EEF1AKMT2: variants seen among roughly 807,000 people sequenced by gnomAD.
The protein encoded by EEF1AKMT2 is EEF1A lysine methyltransferase 2, also known as eukaryotic translation elongation factor 1 alpha lysine methyltransferase 2.
Under a neutral mutation model 35.8 loss-of-function variants are expected in EEF1AKMT2, and 32 were observed. That is an observed-to-expected ratio of 0.89 (90% CI 0.67 to 1.20). The LOEUF (loss-of-function observed/expected upper bound fraction) is 1.20. Among genes scored for constraint, EEF1AKMT2 ranks in the 50% most tolerant of loss-of-function variants. The pLI, the probability that EEF1AKMT2 is intolerant of heterozygous loss-of-function variation, is 0.00. For missense variants in EEF1AKMT2, 330 were observed against 347.5 expected (o/e 0.95, Z 0.40); for synonymous variants, 121 against 133.7 (o/e 0.91, Z 0.65).
At position 124,758,555 on chromosome 10, in the gene EEF1AKMT2, G is replaced by C. The variant is rs1465192008; in HGVS notation, c.*1948C>G. 2 of 149,150 alleles carry C rather than the reference G, an allele frequency of 1.3e-5. No homozygotes were observed. The highest frequency in any genetic ancestry group is 3.0e-5 in the Non-Finnish European group (2 of 67,550). 9.2% of individuals were successfully genotyped at this position (149,150 alleles called of 1,614,324 possible). On this transcript the variant is annotated 3_prime_UTR_variant, in exon 7 of 7. Transcript: ENST00000368836. ...TCACCTTTGCAAATGGCACTAACAT[G>C]CCCCAAATAGTGACTCGAAAAGCTT...
intron 4 of EEF1AKMT2, among the ~76,000 whole-genome samples, chr10:124,773,599 G>C (rs940811827): frequency 1.3e-5 from 2 of 152,138 alleles, no homozygotes; most frequent in Admixed American, 6.6e-5. Flanking sequence ...GAGGCTTGAG[G>C]AGGAGGGAGG....
At chr10:124,774,509 C>T (rs1310495215) in intron 4 of EEF1AKMT2, among the ~76,000 whole-genome samples, 166 bp downstream of exon 4, 1 of 150,226 alleles carries the variant, frequency 6.7e-6, no homozygotes, top group Non-Finnish European at 1.5e-5. Context: ...AAAATAATTT[C>T]CCCAAACCAA....
chr10:124,780,800 A>G (rs1046573569), intron 3 of EEF1AKMT2, among the ~76,000 whole-genome samples: 6 of 152,196 alleles, frequency 3.9e-5, no homozygotes, highest in African/African-American at 1.4e-4. Context: ...TCCAAGCCAC[A>G]GCACACATCA....
chr10:124,765,548 C>T lies in EEF1AKMT2; in HGVS notation c.460G>A (p.Gly154Arg). Residue 154 changes from glycine (G) to arginine (R), a missense_variant, in exon 5 of 7, where the codon GGG (glycine) becomes AGG (arginine). Gly to Arg is a moderately radical substitution (Grantham distance 125). Transcript: ENST00000368836. The stretch of plus-strand genomic sequence containing the variant: ...TTAAGGCTTATGGCATCAAAAGTCC[C>T]TTTGTCAATACAAATATGAAATCCA... The part of the protein sequence containing the change: ...LSGFHICIDK[G>R]TFDAISLNPD... The T allele has an allele frequency of 8.1e-6, 13 of 1,613,912 alleles. No individual in the cohort carries two copies. The highest frequency in any genetic ancestry group is 7.6e-6 in the Non-Finnish European group (9 of 1,179,912).
intron 3 of EEF1AKMT2, among the ~76,000 whole-genome samples, chr10:124,781,264 G>A (rs12776722): frequency 0.2 from 29,957 of 151,504 alleles, 3,505 homozygotes; most frequent in Non-Finnish European, 0.26. Flanking sequence ...TTAAAGTACT[G>A]AAAGAAACGG....
intron 3 of EEF1AKMT2, among the ~76,000 whole-genome samples, chr10:124,776,193 T>C (rs1056055949): frequency 2.0e-5 from 3 of 152,164 alleles, no homozygotes; most frequent in African/African-American, 7.2e-5. Flanking sequence ...TTCCTTCTTT[T>C]CCCATGCCTG....
chr10:124,781,599 AAAAG>A (rs1258291762), intron 3 of EEF1AKMT2, among the ~76,000 whole-genome samples: 1 of 146,234 alleles, frequency 6.8e-6, no homozygotes, highest in African/African-American at 2.5e-5. Context: ...TCAAAAAAAA[AAAAG>A]ATTCTATATT....
At chr10:124,791,061 G>A (rs1210353221) in intron 1 of EEF1AKMT2, among the ~76,000 whole-genome samples, 1 of 151,750 alleles carries the variant, frequency 6.6e-6, no homozygotes, top group African/African-American at 2.4e-5. Flanking sequence ...CCACGCACCC[G>A]GCCCTCTGAA....
intron 4 of EEF1AKMT2, among the ~76,000 whole-genome samples, chr10:124,773,547 T>A (rs532901485): frequency 6.6e-6 from 1 of 152,300 alleles, no homozygotes; most frequent in East Asian, 1.9e-4. Context: ...GTAAGGTTTT[T>A]AATTGGCCTA....
In EEF1AKMT2 at chr10:124,758,495, C is replaced by T. The variant is rs988663719; in HGVS notation, c.*2008G>A. ...TTCCTTTTCCTAACCTTATCAAAAG[C>T]TCTATGGTTAAAAAAAAAAAAAAAA... On this transcript the variant is annotated 3_prime_UTR_variant, in exon 7 of 7. Coordinates refer to ENST00000368836, the MANE Select transcript of EEF1AKMT2 (RefSeq NM_212554.4). The T allele has an allele frequency of 2.2e-5, 3 of 136,766 alleles. No individual in the cohort carries two copies. The highest frequency in any genetic ancestry group is 4.1e-4 in the East Asian group (2 of 4,826). The allele number at this position is 136,766 out of a possible 1,614,324, so 8.5% of individuals were successfully genotyped here.
chr10:124,787,474 G>A (rs1417632791), intron 3 of EEF1AKMT2, among the ~76,000 whole-genome samples: 1 of 146,258 alleles, frequency 6.8e-6, no homozygotes, highest in South Asian at 2.2e-4. Context: ...AAGACACCAG[G>A]AATAGCACAC....
intron 4 of EEF1AKMT2, among the ~76,000 whole-genome samples, chr10:124,768,250 A>G (rs1950397092): frequency 6.6e-6 from 1 of 152,216 alleles, no homozygotes; most frequent in African/African-American, 2.4e-5. Flanking sequence ...GAATCTATTT[A>G]CAATGCAATG....
chr10:124,788,541 C>T (rs928144904), intron 3 of EEF1AKMT2, among the ~76,000 whole-genome samples: 13 of 151,612 alleles, frequency 8.6e-5, no homozygotes, highest in African/African-American at 3.1e-4. Flanking sequence ...AATTCCTCCA[C>T]AGCACACAGC....
intron 3 of EEF1AKMT2, among the ~76,000 whole-genome samples, chr10:124,787,387 C>T (rs1407147489): frequency 2.4e-5 from 3 of 126,086 alleles, no homozygotes; most frequent in Non-Finnish European, 3.1e-5. Flanking sequence ...GAGCCAAGAT[C>T]GTGAGACTGC....
intron 3 of EEF1AKMT2, among the ~76,000 whole-genome samples, chr10:124,788,413 TTGCCAA>T (rs1344658332): frequency 1.3e-5 from 2 of 152,222 alleles, no homozygotes; most frequent in East Asian, 3.9e-4. Context: ...AATTTTCCTG[TTGCCAA>T]TGCCAAACAT....
At position 124,772,609 on chromosome 10, in the gene EEF1AKMT2, T is replaced by C. The variant is rs1024320299; in HGVS notation, c.399+2066A>G. Among the ~76,000 whole-genome samples, 13 of 151,974 alleles carry C rather than the reference T, an allele frequency of 8.6e-5. 1 individual carries two copies. On this transcript the variant is annotated intron_variant, in intron 4 of 6. Transcript: ENST00000368836. ...ATGCCCAGCTAACTTTCTGTATTTT[T>C]AGTAGAGACAGTTTCAGCATGTCGG...
At chr10:124,776,355 A>C (rs892136220) in intron 3 of EEF1AKMT2, among the ~76,000 whole-genome samples, 3 of 152,160 alleles carry the variant, frequency 2.0e-5, no homozygotes, top group African/African-American at 7.2e-5. Context: ...AACCAAACCC[A>C]AGGGGAGAAA....
intron 4 of EEF1AKMT2, among the ~76,000 whole-genome samples, chr10:124,769,972 T>C (rs1320476153): frequency 1.2e-5 from 1 of 83,846 alleles, no homozygotes; most frequent in South Asian, 4.2e-4. Context: ...AAAAAAAAAA[T>C]TGGGTGCCTT....
intron 4 of EEF1AKMT2, among the ~76,000 whole-genome samples, chr10:124,771,616 T>C (rs1219608682): frequency 6.6e-6 from 1 of 151,902 alleles, no homozygotes; most frequent in Admixed American, 6.6e-5. Flanking sequence ...ACGCCTGTAA[T>C]CCCAGCACTT....
Sources: allele counts gnomAD v4.1 joint callset (sites outside exome capture counted in the v4.1 genomes callset), GRCh38; gene constraint gnomAD v4.1.1; transcripts MANE v1.5; gene names NCBI Gene and HGNC (gene_info 2026-07-23, HGNC 2026-07-21).